HCN1: variants seen among roughly 807,000 people sequenced by gnomAD.
HCN1 encodes potassium/sodium hyperpolarization-activated cyclic nucleotide-gated channel 1.
In HCN1, 13 loss-of-function variants were observed where a neutral mutation model predicts 78.9. The ratio of observed to expected loss-of-function variants is 0.16; its 90% CI spans 0.11 to 0.26. The LOEUF is 0.26. HCN1 is among the 10% of genes least tolerant of loss of function. The pLI is 1.00. For synonymous variants in HCN1, 552 were observed against 455.5 expected, an observed-to-expected ratio of 1.21 and a Z score of -2.70; for missense variants, 810 against 1,154.3, an observed-to-expected ratio of 0.70 and a Z score of 4.32.
intron 4 of HCN1, among the ~76,000 whole-genome samples, chr5:45,360,394 C>A (rs971153379): frequency 4.6e-5 from 7 of 151,846 alleles, no homozygotes; most frequent in Non-Finnish European, 1.0e-4. Context: ...TATGACTAAT[C>A]TATCTTAATT....
chr5:45,665,409 T>G (rs1351323138), intron 1 of HCN1, among the ~76,000 whole-genome samples: 2 of 151,900 alleles, frequency 1.3e-5, no homozygotes, highest in Non-Finnish European at 2.9e-5. Flanking sequence ...GTAACTAACC[T>G]GCACATTGTG....
chr5:45,457,410 A>C (rs1307983238), intron 3 of HCN1, among the ~76,000 whole-genome samples: 1 of 152,142 alleles, frequency 6.6e-6, no homozygotes, highest in Non-Finnish European at 1.5e-5. Context: ...AACTAATCTT[A>C]TTAGAAAGTA....
chr5:45,361,471 C>A (rs1331623171), intron 4 of HCN1, among the ~76,000 whole-genome samples: 1 of 152,212 alleles, frequency 6.6e-6, no homozygotes, highest in Non-Finnish European at 1.5e-5. Context: ...CACCACCATG[C>A]CCAGCTAATT....
rs76348778 is a variant in HCN1, at chr5:45,256,927, C to T, written c.*4994G>A. ...TTATTTTATCACTTCTTTCCCTTCT[C>T]ACAGGTTCTAGCTCTTATCTTCTTG... On this transcript the variant is annotated 3_prime_UTR_variant, in exon 8 of 8. Coordinates refer to ENST00000303230, the MANE Select transcript of HCN1 (RefSeq NM_021072.4). The T allele has an allele frequency of 0.025, 3,773 of 152,328 alleles. 72 individuals carry two copies. The highest frequency in any genetic ancestry group is 0.04 in the Non-Finnish European group (2,735 of 68,094). 9.4% of individuals were successfully genotyped at this position (152,328 alleles called of 1,614,324 possible). A position where few individuals can be genotyped will look rare whatever the true frequency, so the allele number is the denominator to read the frequency against.
intron 4 of HCN1, among the ~76,000 whole-genome samples, chr5:45,393,227 G>C (rs1226139867): frequency 1.3e-5 from 2 of 152,150 alleles, no homozygotes; most frequent in Non-Finnish European, 2.9e-5. Flanking sequence ...GCAAATCCCT[G>C]AATCTTAAGT....
At chr5:45,522,441 G>A (rs1044495016) in intron 2 of HCN1, among the ~76,000 whole-genome samples, 2 of 151,926 alleles carry the variant, frequency 1.3e-5, no homozygotes, top group Non-Finnish European at 2.9e-5. Flanking sequence ...ATGGCCCTCA[G>A]CATCAATCTC....
rs562117210 is a variant in HCN1, at chr5:45,263,345, C to G, written c.1784-535G>C. On this transcript the variant is annotated intron_variant, in intron 7 of 7. Transcript: ENST00000303230. ...GGACATGAGAAGACTAAGAACAGTG[C>G]CCAGGAAAACAAAAAAAAAACATGG... 1.3e-3 allele frequency among the ~76,000 whole-genome samples: 191 copies of G among 151,524 alleles called. 1 individual carries two copies. The highest frequency in any genetic ancestry group is 4.4e-3 in the African/African-American group (181 of 41,088).
In HCN1 at chr5:45,256,010, A is replaced by T. The variant is rs1744604137; in HGVS notation, c.*5911T>A. 1 of 152,150 alleles carries T rather than the reference A, an allele frequency of 6.6e-6. No individual in the cohort carries two copies. Among genetic ancestry groups the T allele is most frequent in the Non-Finnish European group, 1.5e-5 (1 of 68,040 alleles). 9.4% of individuals were successfully genotyped at this position (152,150 alleles called of 1,614,324 possible). A position where few individuals can be genotyped will look rare whatever the true frequency, so the allele number is the denominator to read the frequency against. On this transcript the variant is annotated 3_prime_UTR_variant, in exon 8 of 8. Coordinates refer to ENST00000303230, the MANE Select transcript of HCN1 (RefSeq NM_021072.4). ...TTATTATATTTACTAATTTATTCAGATTTCTTCAATTGAATGAATCAATAG... is the reference window on the plus strand; with the variant it reads ...TTATTATATTTACTAATTTATTCAGTTTTCTTCAATTGAATGAATCAATAG...
At chr5:45,347,909 G>A (rs1163403946) in intron 5 of HCN1, among the ~76,000 whole-genome samples, 11 of 152,162 alleles carry the variant, frequency 7.2e-5, no homozygotes, top group Admixed American at 4.6e-4. Flanking sequence ...TGAAAGTGAC[G>A]GGGAGAATGG....
intron 5 of HCN1, among the ~76,000 whole-genome samples, chr5:45,346,361 G>T (rs769775475): frequency 6.6e-6 from 1 of 152,160 alleles, no homozygotes; most frequent in Non-Finnish European, 1.5e-5. Flanking sequence ...AGAAGTGTAA[G>T]AAATATGAAT....
intron 2 of HCN1, among the ~76,000 whole-genome samples, chr5:45,521,699 C>T (rs539188063): frequency 1.3e-5 from 2 of 151,982 alleles, no homozygotes; most frequent in African/African-American, 4.8e-5. Flanking sequence ...GGATTGAGTA[C>T]TTCACCATAT....
At chr5:45,348,942 C>A (rs1286529298) in intron 5 of HCN1, among the ~76,000 whole-genome samples, 1 of 152,212 alleles carries the variant, frequency 6.6e-6, no homozygotes, top group Non-Finnish European at 1.5e-5. Context: ...TAACACCCCA[C>A]TGTCAACATT....
intron 2 of HCN1, among the ~76,000 whole-genome samples, chr5:45,479,254 G>A (rs954385001): frequency 6.6e-6 from 1 of 152,162 alleles, no homozygotes; most frequent in Non-Finnish European, 1.5e-5. Context: ...GTGTGGAAAG[G>A]AAGGGGAATC....
Position 45,287,080 on chromosome 5 carries a change from C to CGT in HCN1, c.1618+16517_1618+16518dup, listed in dbSNP as rs765679473. 1.2e-3 allele frequency among the ~76,000 whole-genome samples: 181 copies of CGT among 148,250 alleles called. 1 individual carries two copies. Among genetic ancestry groups the CGT allele is most frequent in the Admixed American group, 3.4e-3 (51 of 14,854 alleles). ...ATTTAGCAATAGGCTAGAAGGTATG[C>CGT]GTGTGTGTGTGTGTGTGTCTGTGTG... On this transcript the variant is annotated intron_variant, in intron 6 of 7. Transcript: ENST00000303230.
intron 5 of HCN1, among the ~76,000 whole-genome samples, chr5:45,337,370 C>A (rs1746483870): frequency 6.6e-6 from 1 of 151,976 alleles, no homozygotes; most frequent in Non-Finnish European, 1.5e-5. Flanking sequence ...ATACATGGAC[C>A]ATAGTATAAC....
intron 3 of HCN1, among the ~76,000 whole-genome samples, chr5:45,401,960 G>C (rs1191990781): frequency 6.6e-6 from 1 of 152,068 alleles, no homozygotes. Context: ...CTGAACTACT[G>C]TGTGAGGGAA....
At chr5:45,305,263 C>A (rs1342604584) in intron 5 of HCN1, among the ~76,000 whole-genome samples, 1 of 152,096 alleles carries the variant, frequency 6.6e-6, no homozygotes, top group Non-Finnish European at 1.5e-5. Context: ...AACCTAATGC[C>A]ATCCAGGATA....
rs540939500 is a variant in HCN1, at chr5:45,275,798, A to G, written c.1619-8545T>C. Among the ~76,000 whole-genome samples, 3 of 152,260 alleles carry G rather than the reference A, an allele frequency of 2.0e-5. No homozygotes were observed. In the East Asian group the frequency reaches 5.8e-4, roughly 29 times the overall value. ...TTTGTGATTGTAACAAAAATAACAT[A>G]AAAATATCAAAGCTAAGAAGGGTAA... is the stretch of plus-strand genomic sequence containing the variant. On this transcript the variant is annotated intron_variant, in intron 6 of 7. Transcript: ENST00000303230.
intron 2 of HCN1, among the ~76,000 whole-genome samples, chr5:45,588,081 A>T (rs1207603007): frequency 6.6e-6 from 1 of 152,196 alleles, no homozygotes; most frequent in Non-Finnish European, 1.5e-5. Context: ...TTTATGTGCC[A>T]CCAAAGTACC....
Sources: allele counts gnomAD v4.1 joint callset (sites outside exome capture counted in the v4.1 genomes callset), GRCh38; gene constraint gnomAD v4.1.1; transcripts MANE v1.5; gene names NCBI Gene and HGNC (gene_info 2026-07-23, HGNC 2026-07-21).